The following TECRL variants were observed in gnomAD, a reference collection of about 807,000 sequenced individuals.
TECRL encodes trans-2,3-enoyl-CoA reductase like, also known as trans-2,3-enoyl-CoA reductase-like.
A neutral mutation model predicts 52.8 loss-of-function variants in TECRL; 63 were observed. The observed-to-expected ratio is 1.19, with a 90% CI of 0.97 to 1.47. The LOEUF (loss-of-function observed/expected upper bound fraction) is 1.47, where lower values mean the gene tolerates loss of function less well. TECRL is among the 40% of genes most tolerant of loss of function. The pLI is 0.00. For synonymous variants in TECRL, 164 were observed against 141.9 expected (o/e 1.16, Z -1.10); for missense variants, 482 against 429.6 (o/e 1.12, Z -1.08).
chr4:64,312,888 T>C (rs1345559126), intron 5 of TECRL, among the ~76,000 whole-genome samples: 1 of 152,204 alleles, frequency 6.6e-6, no homozygotes, highest in Admixed American at 6.5e-5. Context: ...AAGAACGCTT[T>C]TAGGTTCTCC....
At chr4:64,329,071 C>G (rs1718454103) in intron 2 of TECRL, among the ~76,000 whole-genome samples, 1 of 151,864 alleles carries the variant, frequency 6.6e-6, no homozygotes, top group South Asian at 2.1e-4. Flanking sequence ...AGAAGCATCA[C>G]TTGAAATTTT....
At chr4:64,328,892 A>T (rs1383842890) in intron 2 of TECRL, among the ~76,000 whole-genome samples, 1 of 151,982 alleles carries the variant, frequency 6.6e-6, no homozygotes, top group Non-Finnish European at 1.5e-5. Flanking sequence ...CATCAATAAA[A>T]AGCTTGAAAA....
At chr4:64,308,460 C>T (rs1023396076) in intron 6 of TECRL, among the ~76,000 whole-genome samples, 4 of 152,136 alleles carry the variant, frequency 2.6e-5, no homozygotes, top group African/African-American at 4.8e-5. Context: ...AGGCATGTGC[C>T]GATGCAACAA....
intron 2 of TECRL, among the ~76,000 whole-genome samples, chr4:64,342,288 C>T (rs1719636603): frequency 6.6e-6 from 1 of 152,038 alleles, no homozygotes. Context: ...AGAACAAGTA[C>T]TCTGGATCAT....
rs1722623806 is a variant in TECRL at position 64,277,762 on chromosome 4, A to G, written c.*2310T>C. 1 of 149,918 alleles carries G rather than the reference A, an allele frequency of 6.7e-6. No homozygotes were observed. The allele number at this position is 149,918 out of a possible 1,614,324, so 9.3% of individuals were successfully genotyped here. On this transcript the variant is annotated 3_prime_UTR_variant, in exon 12 of 12. Coordinates refer to ENST00000381210, the MANE Select transcript of TECRL (RefSeq NM_001010874.5). ...GAGAATTGAAAATACTCCATAGACT[A>G]ACAAATCTAAAAATCACAATTTAAA...
chr4:64,360,297 C>G (rs150450937), intron 2 of TECRL, among the ~76,000 whole-genome samples: 22 of 152,106 alleles, frequency 1.4e-4, no homozygotes, highest in African/African-American at 5.3e-4. Context: ...GCAAATGAAT[C>G]ATTATTTTAT....
At chr4:64,336,313 G>C (rs1270235534) in intron 2 of TECRL, among the ~76,000 whole-genome samples, 1 of 152,122 alleles carries the variant, frequency 6.6e-6, no homozygotes, top group African/African-American at 2.4e-5. Context: ...GGTGTTTATA[G>C]TATTCTCTGA....
chr4:64,363,227 C>T (rs1437079609), intron 2 of TECRL, among the ~76,000 whole-genome samples: 10 of 152,122 alleles, frequency 6.6e-5, no homozygotes, highest in African/African-American at 2.2e-4. Context: ...TAGATAACCA[C>T]AAAATAATAG....
intron 7 of TECRL, among the ~76,000 whole-genome samples, chr4:64,303,097 C>A (rs1229748825): frequency 2.6e-5 from 4 of 151,048 alleles, no homozygotes; most frequent in Non-Finnish European, 4.4e-5. Flanking sequence ...AATATATAAG[C>A]AATTTCTAAA....
At chr4:64,335,197 A>T (rs2110060196) in intron 2 of TECRL, among the ~76,000 whole-genome samples, 1 of 152,218 alleles carries the variant, frequency 6.6e-6, no homozygotes, top group East Asian at 1.9e-4. Context: ...GCAAAGCCTC[A>T]TCGGTGTTTA....
chr4:64,377,248 A>G (rs919788043), intron 1 of TECRL, among the ~76,000 whole-genome samples: 1 of 152,056 alleles, frequency 6.6e-6, no homozygotes, highest in Non-Finnish European at 1.5e-5. Flanking sequence ...AATCAGAAAG[A>G]AATTAACTAC....
chr4:64,291,570 T>C (rs991557849), intron 8 of TECRL, among the ~76,000 whole-genome samples: 3 of 151,972 alleles, frequency 2.0e-5, no homozygotes, highest in Non-Finnish European at 4.4e-5. Flanking sequence ...TGATGAAACG[T>C]ATTTGTTTTG....
At chr4:64,393,071 A>G (rs1414437923) in intron 1 of TECRL, among the ~76,000 whole-genome samples, 1 of 151,972 alleles carries the variant, frequency 6.6e-6, no homozygotes, top group Non-Finnish European at 1.5e-5. Flanking sequence ...GAAGTCCCAG[A>G]ATCTGGAAAT....
intron 5 of TECRL, among the ~76,000 whole-genome samples, chr4:64,314,092 G>A (rs924089953): frequency 1.3e-5 from 2 of 151,330 alleles, no homozygotes; most frequent in Admixed American, 6.6e-5. Flanking sequence ...GGAGCGTGCA[G>A]TGAGCCGAGA....
intron 8 of TECRL, among the ~76,000 whole-genome samples, chr4:64,298,686 A>C (rs1319110819): frequency 2.6e-5 from 4 of 151,256 alleles, no homozygotes; most frequent in African/African-American, 9.7e-5. Flanking sequence ...TACACAGAAA[A>C]AAATTATAAC....
intron 2 of TECRL, among the ~76,000 whole-genome samples, chr4:64,368,188 T>C (rs1035831091): frequency 6.6e-6 from 1 of 152,150 alleles, no homozygotes; most frequent in Non-Finnish European, 1.5e-5. Flanking sequence ...AATGTTACCA[T>C]GTTACCAAAA....
At chr4:64,403,226 A>G (rs1724480684) in intron 1 of TECRL, among the ~76,000 whole-genome samples, 1 of 151,944 alleles carries the variant, frequency 6.6e-6, no homozygotes, top group African/African-American at 2.4e-5. Flanking sequence ...CTCTAATCCA[A>G]CAGCTACAAA....
rs149312063 is a variant in TECRL, at chr4:64,390,190, G to A, written c.235-14967C>T. Among the ~76,000 whole-genome samples, 136 of 151,916 alleles carry A rather than the reference G, an allele frequency of 9.0e-4. 1 individual carries two copies. Among genetic ancestry groups the A allele is most frequent in the East Asian group, 4.3e-3 (22 of 5,172 alleles). The stretch of plus-strand genomic sequence containing the variant: ...AATAAACTTTGCATAAAAAATTGAG[G>A]CTCCTTACATAATTAAAGTGAATGA... On this transcript the variant is annotated intron_variant, in intron 1 of 11. Transcript: ENST00000381210.
intron 2 of TECRL, among the ~76,000 whole-genome samples, chr4:64,338,178 G>A (rs933640547): frequency 2.6e-5 from 4 of 152,050 alleles, no homozygotes; most frequent in Non-Finnish European, 4.4e-5. Flanking sequence ...ACAAGAAATA[G>A]GGAAAGGATT....
Sources: allele counts gnomAD v4.1 joint callset (sites outside exome capture counted in the v4.1 genomes callset), GRCh38; gene constraint gnomAD v4.1.1; transcripts MANE v1.5; gene names NCBI Gene and HGNC (gene_info 2026-07-23, HGNC 2026-07-21).